Variants in CYB5R4 observed in about 807,000 individuals in gnomAD.
CYB5R4 encodes the protein cytochrome b5 reductase 4, also known as N-terminal cytochrome b5 and cytochrome b5 oxidoreductase domain-containing protein.
A neutral mutation model predicts 70.2 loss-of-function variants in CYB5R4; 55 were observed. That is an observed-to-expected ratio of 0.78 (90% CI 0.63 to 0.98). The LOEUF is 0.98. Ranked by LOEUF, CYB5R4 falls within the 50% of genes least tolerant of loss-of-function variation. The pLI is 0.00. For synonymous variants in CYB5R4, 197 were observed against 199.5 expected, an observed-to-expected ratio of 0.99 and a Z score of 0.11; for missense variants, 562 against 612.6, an observed-to-expected ratio of 0.92 and a Z score of 0.87.
chr6:83,876,927 A>T (rs2875351), intron 2 of CYB5R4, among the ~76,000 whole-genome samples: 9 of 151,710 alleles, frequency 5.9e-5, no homozygotes, highest in African/African-American at 2.2e-4. Flanking sequence ...TTCGCCTCCC[A>T]GGCTCAAGGG....
chr6:83,927,879 G>A (rs1371481488), intron 10 of CYB5R4, among the ~76,000 whole-genome samples: 1 of 152,128 alleles, frequency 6.6e-6, no homozygotes, highest in Non-Finnish European at 1.5e-5. Flanking sequence ...TGGTTTCCCA[G>A]GCAGACAGGT....
At chr6:83,912,541 T>C (rs1198667924) in intron 4 of CYB5R4, among the ~76,000 whole-genome samples, 1 of 152,178 alleles carries the variant, frequency 6.6e-6, no homozygotes, top group Non-Finnish European at 1.5e-5. Context: ...GCACCAGCCT[T>C]CTAAATGACT....
rs561896537 is a variant in CYB5R4 at position 83,941,404 on chromosome 6, T to A, written c.1346+803T>A. 7.9e-5 allele frequency among the ~76,000 whole-genome samples: 12 copies of A among 152,342 alleles called. No individual in the cohort carries two copies. The South Asian group carries it at 1.2e-3, about 16-fold the overall frequency. ...CTTTCTAAAGCATTTCTATAATCAT[T>A]AAAAGCTATTTCTAAGAATTTTAGG... is the stretch of plus-strand genomic sequence containing the variant. On this transcript the variant is annotated intron_variant, in intron 14 of 15. Transcript: ENST00000369681.
chr6:83,950,010 A>C lies in CYB5R4; in HGVS notation c.1347-5288A>C, dbSNP rs75621876. ...ATGTACCTGTACACATGGATCCAACAGTGACACGATATTGTGTTTACTTAT... is the reference window on the plus strand; with the variant it reads ...ATGTACCTGTACACATGGATCCAACCGTGACACGATATTGTGTTTACTTAT... On this transcript the variant is annotated intron_variant, in intron 14 of 15. Transcript: ENST00000369681. Among the ~76,000 whole-genome samples, 816 of 152,298 alleles carry C rather than the reference A, an allele frequency of 5.4e-3. 9 individuals carry two copies. The highest frequency in any genetic ancestry group is 0.019 in the African/African-American group (787 of 41,562).
chr6:83,907,250 G>A (rs2099463928), intron 3 of CYB5R4, among the ~76,000 whole-genome samples: 1 of 151,942 alleles, frequency 6.6e-6, no homozygotes, highest in South Asian at 2.1e-4. Flanking sequence ...AATTATTCCT[G>A]GCCTATTTTA....
intron 2 of CYB5R4, among the ~76,000 whole-genome samples, chr6:83,867,793 C>T (rs1339880071): frequency 2.0e-5 from 3 of 152,198 alleles, no homozygotes; most frequent in African/African-American, 7.2e-5. Context: ...CATTATGTAA[C>T]CATGTCATGT....
Position 83,864,242 on chromosome 6 carries a change from C to A in CYB5R4, c.143C>A (p.Thr48Lys). ...CTGACCAAAAGTGGAAAGGATCTAA[C>A]GGGATTAAAAGGCAGGTTAATTGAA... ...IRLTKSGKDLTGLKGRLIEVT... is the reference protein window; with the variant it reads ...IRLTKSGKDLKGLKGRLIEVT... The change falls in exon 2 of 16, where the codon ACG (threonine) becomes AAG (lysine). Residue 48 changes from threonine to lysine, a missense_variant. Coordinates refer to ENST00000369681, the MANE Select transcript of CYB5R4 (RefSeq NM_016230.4). 2 of 1,612,920 alleles carry A rather than the reference C, an allele frequency of 1.2e-6. No individual in the cohort carries two copies. The highest frequency in any genetic ancestry group is 8.5e-7 in the Non-Finnish European group (1 of 1,179,454).
At chr6:83,919,119 A>G (rs2099465965) in intron 6 of CYB5R4, among the ~76,000 whole-genome samples, 1 of 152,156 alleles carries the variant, frequency 6.6e-6, no homozygotes, top group Non-Finnish European at 1.5e-5. Flanking sequence ...AGATTTTAGT[A>G]AAGAGATGTA....
chr6:83,867,210 T>G (rs145161648), intron 2 of CYB5R4, among the ~76,000 whole-genome samples: 313 of 152,208 alleles, frequency 2.1e-3, no homozygotes, highest in African/African-American at 7.0e-3. Context: ...GTGGTAGAGA[T>G]AAGCCTTGAA....
At chr6:83,907,940 C>A (rs1012189386) in intron 3 of CYB5R4, among the ~76,000 whole-genome samples, 2 of 152,006 alleles carry the variant, frequency 1.3e-5, no homozygotes, top group Non-Finnish European at 2.9e-5. Context: ...AGTGAACAGT[C>A]GTGTACATGA....
chr6:83,896,572 C>G (rs984158823), intron 3 of CYB5R4, among the ~76,000 whole-genome samples: 4 of 152,168 alleles, frequency 2.6e-5, no homozygotes, highest in African/African-American at 9.6e-5. Context: ...CCAGTTCCTT[C>G]CATGTTGCTG....
chr6:83,958,542 G>A (rs1177817287), intron 15 of CYB5R4, among the ~76,000 whole-genome samples: 2 of 152,204 alleles, frequency 1.3e-5, no homozygotes, highest in African/African-American at 4.8e-5. Flanking sequence ...CATTAGGGGT[G>A]CAGATTTATA....
rs1427849981 is a variant in CYB5R4, at chr6:83,951,131, A to G, written c.1347-4167A>G. Among the ~76,000 whole-genome samples the G allele has an allele frequency of 2.0e-5, 3 of 152,294 alleles. No homozygotes were observed. The East Asian group carries it at 5.8e-4, about 29-fold the overall frequency. ...TGTGCCAGTTAGTAAATCCTGCAGTATACCATGATTTTTAATAACTGCATT... is the reference window on the plus strand; with the variant it reads ...TGTGCCAGTTAGTAAATCCTGCAGTGTACCATGATTTTTAATAACTGCATT... On this transcript the variant is annotated intron_variant, in intron 14 of 15. Transcript: ENST00000369681.
intron 3 of CYB5R4, among the ~76,000 whole-genome samples, chr6:83,894,192 TATTTACTA>T (rs1278531412): frequency 2.0e-5 from 3 of 152,228 alleles, no homozygotes; most frequent in Non-Finnish European, 2.9e-5. Flanking sequence ...TTTCCCCTTA[TATTTACTA>T]AAAACTAGCA....
chr6:83,929,437 G>T (rs1246116164), intron 10 of CYB5R4: 1 of 152,122 alleles, frequency 6.6e-6, no homozygotes, highest in African/African-American at 2.4e-5. Context: ...TTACCTGAAG[G>T]ATTCATATAT....
At chr6:83,917,686 CAT>C (rs2099465722) in intron 5 of CYB5R4, among the ~76,000 whole-genome samples, 1 of 152,066 alleles carries the variant, frequency 6.6e-6, no homozygotes, top group Admixed American at 6.6e-5. Context: ...TAAAAGAGAA[CAT>C]GTGTTATCAT....
intron 3 of CYB5R4, among the ~76,000 whole-genome samples, chr6:83,908,421 G>A (rs1056128696): frequency 2.0e-5 from 3 of 152,038 alleles, no homozygotes; most frequent in African/African-American, 4.8e-5. Flanking sequence ...TCTCTTCACC[G>A]GGAAACCATC....
At chr6:83,946,187 A>C (rs867975064) in intron 14 of CYB5R4, among the ~76,000 whole-genome samples, 2 of 152,214 alleles carry the variant, frequency 1.3e-5, no homozygotes, top group African/African-American at 4.8e-5. Context: ...AAATACTTGC[A>C]AACTGAATCC....
In CYB5R4 at chr6:83,960,669, G is replaced by C. The variant is rs1421994256; in HGVS notation, c.*791G>C. 6.6e-6 allele frequency: 1 copy of C among 152,172 alleles called. No individual in the cohort carries two copies. The highest frequency in any genetic ancestry group is 1.5e-5 in the Non-Finnish European group (1 of 68,032). 9.4% of individuals were successfully genotyped at this position (152,172 alleles called of 1,614,324 possible). A position where few individuals can be genotyped will look rare whatever the true frequency, so the allele number is the denominator to read the frequency against. On this transcript the variant is annotated 3_prime_UTR_variant, in exon 16 of 16. Coordinates refer to ENST00000369681, the MANE Select transcript of CYB5R4 (RefSeq NM_016230.4). Reference sequence around the variant, plus strand: ...TTCCACAGCATAAAGTTATTATTTGGTGCTTTGGAATGGGTTGAATTTTAA... The same window carrying C: ...TTCCACAGCATAAAGTTATTATTTGCTGCTTTGGAATGGGTTGAATTTTAA...
Sources: gnomAD v4.1 joint callset for allele counts (sites outside exome capture counted in the v4.1 genomes callset) on GRCh38, gnomAD v4.1.1 for gene constraint, MANE v1.5 for transcripts, NCBI Gene and HGNC (gene_info 2026-07-23, HGNC 2026-07-21) for gene names.